Variants in TYK2 observed in about 807,000 individuals in gnomAD.
TYK2 encodes tyrosine kinase 2.
TYK2 carries 65 observed loss-of-function variants against 130.9 expected under a neutral mutation model. The observed-to-expected ratio is 0.50, with a 90% CI of 0.41 to 0.61. The LOEUF (loss-of-function observed/expected upper bound fraction) is 0.61, where lower values mean the gene tolerates loss of function less well. Among genes scored for constraint, TYK2 ranks in the 20% least tolerant of loss-of-function variants. TYK2 has a pLI of 0.00. For missense variants in TYK2, 1,378 were observed against 1,610.7 expected (o/e 0.86, Z 2.47); for synonymous variants, 647 against 658.9 (o/e 0.98, Z 0.28).
At chr19:10,352,729 C>A (rs1183974576) in intron 22 of TYK2, among the ~76,000 whole-genome samples, 178 bp from the exon 23 acceptor site, 1 of 152,058 alleles carries the variant, frequency 6.6e-6, no homozygotes, top group South Asian at 2.1e-4. Context: ...TTGGCTAGGC[C>A]GGGTTAACCC....
Position 10,353,351 on chromosome 19 carries a change from T to A in TYK2, c.3027+177A>T. The A allele has an allele frequency of 1.7e-6, 1 of 577,396 alleles. No individual in the cohort carries two copies. Among genetic ancestry groups the A allele is most frequent in the Non-Finnish European group, 3.0e-6 (1 of 334,754 alleles). The allele number at this position is 577,396 out of a possible 1,614,324, so 35.8% of individuals were successfully genotyped here. A position where few individuals can be genotyped will look rare whatever the true frequency, so the allele number is the denominator to read the frequency against. On this transcript the variant is annotated intron_variant, in intron 21 of 24. Coordinates refer to ENST00000525621, the MANE Select transcript of TYK2 (RefSeq NM_003331.5). The surrounding 1 kb of genome is among the most constrained non-coding windows in gnomAD (Gnocchi z 6.9). ...GCCGAGCCGGCTGTGCGTGGTCCCTTGGGAGGAGGGGGTGTGGCCAAGCAA... is the reference window on the plus strand; with the variant it reads ...GCCGAGCCGGCTGTGCGTGGTCCCTAGGGAGGAGGGGGTGTGGCCAAGCAA...
At chr19:10,368,505 C>T (rs745790558) in intron 3 of TYK2, 87 bp from the exon 4 acceptor site, 9 of 1,595,352 alleles carry the variant, frequency 5.6e-6, no homozygotes, top group South Asian at 2.2e-5. Context: ...TCTGCCTTCA[C>T]ACTCCCTCTG....
At position 10,378,430 on chromosome 19, in the gene TYK2, G is replaced by A. The variant is rs895829790; in HGVS notation, c.-20-4C>T. ...ATGCTCCCGGCAGGTGGCTCAGCTG[G>A]AAAGGGGACAATCTGTCAGCTCCCA... On this transcript the variant is annotated splice_region_variant and splice_polypyrimidine_tract_variant and intron_variant, in intron 2 of 24. Transcript: ENST00000525621. The A allele has an allele frequency of 1.2e-6, 2 of 1,603,260 alleles. No homozygotes were observed. Among genetic ancestry groups the A allele is most frequent in the African/African-American group, 2.7e-5 (2 of 74,966 alleles).
In TYK2 at chr19:10,368,352, G is replaced by A. The variant is rs2145275752; in HGVS notation, c.260C>T (p.Pro87Leu). The change falls in exon 4 of 25, where the codon CCA becomes CTA. Residue 87 changes from proline to leucine, a missense_variant. Coordinates refer to ENST00000525621, the MANE Select transcript of TYK2 (RefSeq NM_003331.5). ...TCTGGGGATCTCTAGGATGTGGTTT[G>A]GGGGCAACCAGACTTGGGCCTGAGC... is the stretch of plus-strand genomic sequence containing the variant. ...FDAQAQVWLP[P>L]NHILEIPRDA... is the part of the protein sequence containing the mutation. 1 of 1,614,158 alleles carries A rather than the reference G, an allele frequency of 6.2e-7. No individual in the cohort carries two copies. The highest frequency in any genetic ancestry group is 8.5e-7 in the Non-Finnish European group (1 of 1,180,030).
At chr19:10,368,985 T>G (rs2145282029) in intron 3 of TYK2, among the ~76,000 whole-genome samples, 1 of 152,182 alleles carries the variant, frequency 6.6e-6, no homozygotes, top group South Asian at 2.1e-4. Flanking sequence ...GTTTTTGTAT[T>G]TTTAGAAGAG....
chr19:10,354,837 C>T (rs931117984), intron 18 of TYK2, among the ~76,000 whole-genome samples: 1 of 151,676 alleles, frequency 6.6e-6, no homozygotes, highest in Non-Finnish European at 1.5e-5. Context: ...ATCACTTGAG[C>T]CCGGGAGTTC....
intron 18 of TYK2, among the ~76,000 whole-genome samples, chr19:10,355,156 G>A (rs8108236): frequency 0.092 from 14,005 of 152,090 alleles, 685 homozygotes; most frequent in Middle Eastern, 0.16. Flanking sequence ...GCCAGGCGTG[G>A]TGGCTCACAC....
intron 18 of TYK2, among the ~76,000 whole-genome samples, chr19:10,355,974 A>T (rs2041080519): frequency 6.6e-6 from 1 of 152,076 alleles, no homozygotes. Flanking sequence ...AAAAAGAAAA[A>T]AGAGCATATT....
intron 23 of TYK2, 81 bp downstream of exon 23, chr19:10,352,353 T>C (rs1181801781): frequency 1.2e-5 from 12 of 970,004 alleles, no homozygotes; most frequent in Non-Finnish European, 2.0e-5. Context: ...ATTACAGGCT[T>C]GAGCCACCGC....
chr19:10,378,078 G>GTGGATGGATGGA (rs1188576300), intron 3 of TYK2, 136 bp downstream of exon 3: 5 of 866,974 alleles, frequency 5.8e-6, no homozygotes, highest in African/African-American at 5.5e-5. Flanking sequence ...GGGTGGATGG[G>GTGGATGGATGGA]TGGATGGATG....
Position 10,361,109 on chromosome 19 carries a change from T to A in TYK2, c.2047+402A>T, listed in dbSNP as rs925141208. ...AAGGAAGAGGTGGGGTTAGGCAGGG[T>A]TGGATGTGCAGGGGCTGAGGCCTAG... On this transcript the variant is annotated intron_variant, in intron 14 of 24. Coordinates refer to ENST00000525621, the MANE Select transcript of TYK2 (RefSeq NM_003331.5). The surrounding 1 kb of genome is among the most constrained non-coding windows in gnomAD (Gnocchi z 4.0). 8 of 486,580 alleles carry A rather than the reference T, an allele frequency of 1.6e-5. No homozygotes were observed. Among genetic ancestry groups the A allele is most frequent in the South Asian group, 9.6e-5 (6 of 62,750 alleles). 30.1% of individuals were successfully genotyped at this position (486,580 alleles called of 1,614,324 possible).
At chr19:10,363,855 A>T (rs1453722277) in intron 9 of TYK2, among the ~76,000 whole-genome samples, 33 of 152,220 alleles carry the variant, frequency 2.2e-4, no homozygotes, top group Admixed American at 2.1e-3. Flanking sequence ...GCACGGCCAC[A>T]GGCCTCACAA....
rs372736952 is a variant in TYK2, at chr19:10,357,757, G to A, written c.2466+7C>T. 6.2e-7 allele frequency: 1 copy of A among 1,602,918 alleles called. No homozygotes were observed. Among genetic ancestry groups the A allele is most frequent in the African/African-American group, 1.3e-5 (1 of 74,682 alleles). ...GCGGGGAGGGCCCAAGGGTCTCCTAGACATACCTCGGAGGGACTGCGGCTC... is the reference window on the plus strand; with the variant it reads ...GCGGGGAGGGCCCAAGGGTCTCCTAAACATACCTCGGAGGGACTGCGGCTC... On this transcript the variant is annotated splice_region_variant and intron_variant, in intron 17 of 24. Transcript: ENST00000525621.
Position 10,353,107 on chromosome 19 carries a change from G to A in TYK2, c.3028-9C>T, listed in dbSNP as rs2040895330. 1 of 1,511,870 alleles carries A rather than the reference G, an allele frequency of 6.6e-7. No individual in the cohort carries two copies. Among genetic ancestry groups the A allele is most frequent in the Non-Finnish European group, 8.9e-7 (1 of 1,126,686 alleles). 93.7% of individuals were successfully genotyped at this position (1,511,870 alleles called of 1,614,324 possible). A position where few individuals can be genotyped will look rare whatever the true frequency, so the allele number is the denominator to read the frequency against. On this transcript the variant is annotated splice_polypyrimidine_tract_variant and intron_variant, in intron 21 of 24. Coordinates refer to ENST00000525621, the MANE Select transcript of TYK2 (RefSeq NM_003331.5). The surrounding 1 kb of genome is among the most constrained non-coding windows in gnomAD (Gnocchi z 6.9). The stretch of plus-strand genomic sequence containing the variant: ...TGCAGATAGGCCATGCCCTGGGGAC[G>A]GGGCAGGGCTCGTGAGTTTCAGTGG...
chr19:10,364,503 A>C lies in TYK2; in HGVS notation c.1367+111T>G, dbSNP rs80231890. On this transcript the variant is annotated intron_variant, in intron 9 of 24. Coordinates refer to ENST00000525621, the MANE Select transcript of TYK2 (RefSeq NM_003331.5). The surrounding 1 kb of genome is among the most constrained non-coding windows in gnomAD (Gnocchi z 4.9). ...CACTCCAGTTTGGGCGACAAAAAAT[A>C]AAAAAAAAATAAGACGTGCACCTAC... The C allele has an allele frequency of 1.0e-6, 1 of 962,370 alleles. No individual in the cohort carries two copies. Among genetic ancestry groups the C allele is most frequent in the Admixed American group, 2.4e-5 (1 of 41,242 alleles). 59.6% of individuals were successfully genotyped at this position (962,370 alleles called of 1,614,324 possible). A position where few individuals can be genotyped will look rare whatever the true frequency, so the allele number is the denominator to read the frequency against.
At chr19:10,356,760 G>T in intron 17 of TYK2, 42 bp from the exon 18 acceptor site, 1 of 1,558,668 alleles carries the variant, frequency 6.4e-7, no homozygotes. Context: ...TCCTCCCCTC[G>T]CCCCCAACCC....
chr19:10,354,243 G>C lies in TYK2; in HGVS notation c.2716-9C>G. The stretch of plus-strand genomic sequence containing the variant: ...ACCTTGCCGAAGTGACCCTGGTCGG[G>C]AGCGCACGAGGGTCAGCTCCACCTC... On this transcript the variant is annotated splice_polypyrimidine_tract_variant and intron_variant, in intron 19 of 24. Coordinates refer to ENST00000525621, the MANE Select transcript of TYK2 (RefSeq NM_003331.5). 1 of 1,610,118 alleles carries C rather than the reference G, an allele frequency of 6.2e-7. No homozygotes were observed. Among genetic ancestry groups the C allele is most frequent in the Non-Finnish European group, 8.5e-7 (1 of 1,179,950 alleles).
intron 3 of TYK2, among the ~76,000 whole-genome samples, chr19:10,369,364 CT>C (rs372002021): frequency 1.2e-4 from 18 of 148,040 alleles, no homozygotes; most frequent in South Asian, 2.1e-4. Flanking sequence ...TTCCTCTGCC[CT>C]TTTTTTTTTA....
intron 2 of TYK2, among the ~76,000 whole-genome samples, chr19:10,378,807 C>T (rs1480930685): frequency 1.3e-5 from 2 of 151,760 alleles, no homozygotes; most frequent in Non-Finnish European, 2.9e-5. Context: ...ATAGCAAGAC[C>T]CTGTTTCTAC....
Sources: allele counts gnomAD v4.1 joint callset (sites outside exome capture counted in the v4.1 genomes callset), GRCh38; gene constraint gnomAD v4.1.1; non-coding constraint Gnocchi (gnomAD v3.1); transcripts MANE v1.5; gene names NCBI Gene and HGNC (gene_info 2026-07-23, HGNC 2026-07-21).